The following TUBA8 variants were observed in gnomAD, a reference collection of about 807,000 sequenced individuals.
TUBA8 encodes the protein tubulin alpha 8, also known as tubulin alpha-8 chain.
In TUBA8, 29 loss-of-function variants were observed where a neutral mutation model predicts 34.7. That is an observed-to-expected ratio of 0.84 (90% CI 0.62 to 1.14). The LOEUF is 1.14. TUBA8 is among the 50% of genes most tolerant of loss of function. The pLI is 0.00. For synonymous variants in TUBA8, 226 were observed against 231.2 expected (o/e 0.98, Z 0.21); for missense variants, 541 against 599.2 (o/e 0.90, Z 1.01).
chr22:18,131,226 A>G lies in TUBA8; in HGVS notation c.*90A>G. 1 of 1,436,446 alleles carries G rather than the reference A, an allele frequency of 7.0e-7. No homozygotes were observed. Among genetic ancestry groups the G allele is most frequent in the Middle Eastern group, 2.4e-4 (1 of 4,120 alleles). The allele number at this position is 1,436,446 out of a possible 1,614,324, so 89.0% of individuals were successfully genotyped here. A position where few individuals can be genotyped will look rare whatever the true frequency, so the allele number is the denominator to read the frequency against. ...GAGAACAGAACACTCTCCCCGCCCC[A>G]GCCTGATTCCTGCCTTACCCAGGAG... is the stretch of plus-strand genomic sequence containing the variant. On this transcript the variant is annotated 3_prime_UTR_variant, in exon 5 of 5. Coordinates refer to ENST00000330423, the MANE Select transcript of TUBA8 (RefSeq NM_018943.3). The surrounding 1 kb of genome is among the most constrained non-coding windows in gnomAD (Gnocchi z 5.3).
chr22:18,130,077 T>G (rs1332023605), intron 4 of TUBA8: 2 of 152,218 alleles, frequency 1.3e-5, no homozygotes, highest in African/African-American at 2.4e-5. Flanking sequence ...TAGAGCCTGG[T>G]TAACGCCAAC....
intron 4 of TUBA8, chr22:18,130,511 C>G: frequency 2.5e-6 from 1 of 400,238 alleles, no homozygotes; most frequent in Non-Finnish European, 4.7e-6. Context: ...CAGCCTTGAC[C>G]TCATGGGCTC....
At position 18,131,620 on chromosome 22, in the gene TUBA8, A is replaced by C; in HGVS notation, c.*484A>C. On this transcript the variant is annotated 3_prime_UTR_variant, in exon 5 of 5. Transcript: ENST00000330423. The surrounding 1 kb of genome is among the most constrained non-coding windows in gnomAD (Gnocchi z 5.3). ...GCATGCATTCACTCCCCCATCACAT[A>C]TTCCAATACACACCCTGTCCTAGGC... is the stretch of plus-strand genomic sequence containing the variant. 8 of 209,402 alleles carry C rather than the reference A, an allele frequency of 3.8e-5. No homozygotes were observed. The highest frequency in any genetic ancestry group is 2.6e-4 in the South Asian group (3 of 11,682). 13.0% of individuals were successfully genotyped at this position (209,402 alleles called of 1,614,324 possible).
At chr22:18,127,389 G>GTTT (rs1467174410) in intron 4 of TUBA8, 5 of 173,932 alleles carry the variant, frequency 2.9e-5, no homozygotes, top group African/African-American at 2.5e-5. Context: ...CCTAACGTTA[G>GTTT]TTTTGTTTTT....
intron 1 of TUBA8, chr22:18,115,377 ACTT>A (rs1165878171): frequency 6.6e-6 from 1 of 152,230 alleles, no homozygotes; most frequent in Non-Finnish European, 1.5e-5. Flanking sequence ...TGACCCGTAC[ACTT>A]CTTAGGCCCT....
chr22:18,125,975 C>T, intron 3 of TUBA8: 1 of 295,732 alleles, frequency 3.4e-6, no homozygotes, highest in South Asian at 3.5e-5. Flanking sequence ...GATCCTCCCA[C>T]CTCAGCATCC....
chr22:18,123,584 T>C (rs374552164), intron 2 of TUBA8: 2 of 156,814 alleles, frequency 1.3e-5, no homozygotes, highest in South Asian at 1.9e-4. Context: ...TTGTGTTTTT[T>C]TTGGAGATGG....
At chr22:18,130,317 C>G (rs59649877) in intron 4 of TUBA8, 6,997 of 167,150 alleles carry the variant, frequency 0.042, 424 homozygotes, top group African/African-American at 0.14. Flanking sequence ...CCACCCGCTC[C>G]TAATGTCGCT....
rs1182308201 is a variant in TUBA8 at position 18,118,826 on chromosome 22, G to C, written c.4-2653G>C. ...AAAAGACTGGCATATGTATTAGTGT[G>C]AGATTAATGAGGGCATTAAAAGAGG... On this transcript the variant is annotated intron_variant, in intron 1 of 4. Transcript: ENST00000330423. The surrounding 1 kb of genome is among the most constrained non-coding windows in gnomAD (Gnocchi z 4.0). 6.6e-6 allele frequency: 1 copy of C among 152,214 alleles called. No homozygotes were observed. Among genetic ancestry groups the C allele is most frequent in the African/African-American group, 2.4e-5 (1 of 41,452 alleles). 9.4% of individuals were successfully genotyped at this position (152,214 alleles called of 1,614,324 possible).
chr22:18,127,652 C>T (rs1476493924), intron 4 of TUBA8: 1 of 145,582 alleles, frequency 6.9e-6, no homozygotes. Flanking sequence ...CTTGGCCTCC[C>T]AAAGTGCTGG....
Position 18,131,263 on chromosome 22 carries a change from GC to G in TUBA8, c.*131del. The G allele has an allele frequency of 2.8e-6, 3 of 1,064,208 alleles. No individual in the cohort carries two copies. The highest frequency in any genetic ancestry group is 2.8e-6 in the Non-Finnish European group (2 of 717,288). The allele number at this position is 1,064,208 out of a possible 1,614,324, so 65.9% of individuals were successfully genotyped here. On this transcript the variant is annotated 3_prime_UTR_variant, in exon 5 of 5. Transcript: ENST00000330423. The surrounding 1 kb of genome is among the most constrained non-coding windows in gnomAD (Gnocchi z 5.3). ...GCCTTACCCAGGAGGAGGGTGCCTGGCCCCAGTACCCAGGGTGGCACGACTG... is the reference window on the plus strand; with the variant it reads ...GCCTTACCCAGGAGGAGGGTGCCTGGCCCAGTACCCAGGGTGGCACGACTG...
At position 18,121,640 on chromosome 22, in the gene TUBA8, G is replaced by T. The variant is rs1050906282; in HGVS notation, c.165G>T (p.Glu55Asp). 1 of 1,614,216 alleles carries T rather than the reference G, an allele frequency of 6.2e-7. No homozygotes were observed. The highest frequency in any genetic ancestry group is 8.5e-7 in the Non-Finnish European group (1 of 1,180,040). Residue 55 changes from glutamate (E) to aspartate (D), a missense_variant, in exon 2 of 5, where the codon GAG (glutamate) becomes GAT (aspartate). Coordinates refer to ENST00000330423, the MANE Select transcript of TUBA8 (RefSeq NM_018943.3). This position sits in a 1 kb window ranked among gnomAD's most constrained non-coding sequence, Gnocchi z 4.8. Reference protein sequence around the residue: ...DDDSFTTFFSETGNGKHVPRA... With the variant: ...DDDSFTTFFSDTGNGKHVPRA... Reference sequence around the variant, plus strand: ...ACTCCTTCACCACCTTTTTCAGCGAGACTGGCAATGGGAAGCATGTGCCCC... The same window carrying T: ...ACTCCTTCACCACCTTTTTCAGCGATACTGGCAATGGGAAGCATGTGCCCC...
rs1490911795 is a variant in TUBA8, at chr22:18,121,709, G to T, written c.226+8G>T. 1 of 1,613,198 alleles carries T rather than the reference G, an allele frequency of 6.2e-7. No individual in the cohort carries two copies. Among genetic ancestry groups the T allele is most frequent in the African/African-American group, 1.3e-5 (1 of 74,872 alleles). Reference sequence around the variant, plus strand: ...TGGAGCCTACTGTAGTGGGTGAGTGGGGGCGGAGTTCCCCTCCACAGAGAA... The same window carrying T: ...TGGAGCCTACTGTAGTGGGTGAGTGTGGGCGGAGTTCCCCTCCACAGAGAA... On this transcript the variant is annotated splice_region_variant and intron_variant, in intron 2 of 4. Coordinates refer to ENST00000330423, the MANE Select transcript of TUBA8 (RefSeq NM_018943.3). This position sits in a 1 kb window ranked among gnomAD's most constrained non-coding sequence, Gnocchi z 4.8.
rs781296374 is a variant in TUBA8 at position 18,131,173 on chromosome 22, T to C, written c.*37T>C. 1 of 1,594,462 alleles carries C rather than the reference T, an allele frequency of 6.3e-7. No homozygotes were observed. Among genetic ancestry groups the C allele is most frequent in the Admixed American group, 1.7e-5 (1 of 60,000 alleles). On this transcript the variant is annotated 3_prime_UTR_variant, in exon 5 of 5. Coordinates refer to ENST00000330423, the MANE Select transcript of TUBA8 (RefSeq NM_018943.3). The surrounding 1 kb of genome is among the most constrained non-coding windows in gnomAD (Gnocchi z 5.3). ...CCCCTTGGCTGTGTCTCTTTATTTATGCTGTGCCATTCAAAGCACATGTTC... is the reference window on the plus strand; with the variant it reads ...CCCCTTGGCTGTGTCTCTTTATTTACGCTGTGCCATTCAAAGCACATGTTC...
chr22:18,126,411 A>G lies in TUBA8; in HGVS notation c.433A>G (p.Thr145Ala). 1 of 1,614,064 alleles carries G rather than the reference A, an allele frequency of 6.2e-7. No homozygotes were observed. The highest frequency in any genetic ancestry group is 8.5e-7 in the Non-Finnish European group (1 of 1,180,004). Residue 145 changes from threonine to alanine, a missense_variant, in exon 4 of 5, where the codon ACT (threonine) becomes GCT (alanine). Coordinates refer to ENST00000330423, the MANE Select transcript of TUBA8 (RefSeq NM_018943.3). The surrounding 1 kb of genome is among the most constrained non-coding windows in gnomAD (Gnocchi z 4.0). The stretch of plus-strand genomic sequence containing the variant: ...GATTTTCCACAGTTTTGGTGGGGGC[A>G]CTGGCTCCGGCTTCACTTCTCTGCT... ...FLIFHSFGGGTGSGFTSLLME... is the reference protein window; with the variant it reads ...FLIFHSFGGGAGSGFTSLLME...
Position 18,126,522 on chromosome 22 carries a change from G to A in TUBA8, c.544G>A (p.Val182Met), listed in dbSNP as rs1928327192. 3 of 1,614,020 alleles carry A rather than the reference G, an allele frequency of 1.9e-6. No homozygotes were observed. The highest frequency in any genetic ancestry group is 1.7e-6 in the Non-Finnish European group (2 of 1,180,022). ...YPAPQVSTAV[V>M]EPYNSILTTH... is the part of the protein sequence containing the mutation. ...AGCCCCCCAGGTCTCTACTGCAGTG[G>A]TGGAGCCCTACAACTCCATCCTGAC... Residue 182 changes from valine (V) to methionine (M), a missense_variant, in exon 4 of 5, where the codon GTG (valine) becomes ATG (methionine). By Grantham distance (21) the Val-to-Met change is conservative (BLOSUM62 1). Transcript: ENST00000330423. This position sits in a 1 kb window ranked among gnomAD's most constrained non-coding sequence, Gnocchi z 4.0.
Position 18,111,264 on chromosome 22 carries a change from C to T in TUBA8, c.3+396C>T. The T allele has an allele frequency of 1.7e-5, 5 of 294,636 alleles. No homozygotes were observed. Among genetic ancestry groups the T allele is most frequent in the East Asian group, 1.4e-4 (2 of 14,702 alleles). The allele number at this position is 294,636 out of a possible 1,614,324, so 18.3% of individuals were successfully genotyped here. A position where few individuals can be genotyped will look rare whatever the true frequency, so the allele number is the denominator to read the frequency against. ...GTCTGGGCCGGGGCGACTGGGGGGC[C>T]AGATGCAGTCACGTCTCCGAACCCA... On this transcript the variant is annotated intron_variant, in intron 1 of 4. Transcript: ENST00000330423. The surrounding 1 kb of genome is among the most constrained non-coding windows in gnomAD (Gnocchi z 5.1).
At position 18,124,446 on chromosome 22, in the gene TUBA8, A is replaced by G. The variant is rs1481054433; in HGVS notation, c.375+142A>G. The G allele has an allele frequency of 3.0e-6, 3 of 1,015,122 alleles. No homozygotes were observed. The highest frequency in any genetic ancestry group is 3.2e-5 in the African/African-American group (2 of 61,566). 62.9% of individuals were successfully genotyped at this position (1,015,122 alleles called of 1,614,324 possible). ...CTAAGGTTTGGGAATTTCTGCTTAA[A>G]TTCTGTAAGAAGCATGCACAGGGGT... On this transcript the variant is annotated intron_variant, in intron 3 of 4. Coordinates refer to ENST00000330423, the MANE Select transcript of TUBA8 (RefSeq NM_018943.3). This position sits in a 1 kb window ranked among gnomAD's most constrained non-coding sequence, Gnocchi z 4.3.
rs1928246878 is a variant in TUBA8, at chr22:18,124,208, C to G, written c.279C>G (p.Ile93Met). ...YRQLFHPEQL[I>M]TGKEDAANNY... ...AGCTCTTCCATCCAGAGCAGCTGATCACAGGAAAGGAGGATGCAGCCAACA... is the reference window on the plus strand; with the variant it reads ...AGCTCTTCCATCCAGAGCAGCTGATGACAGGAAAGGAGGATGCAGCCAACA... Residue 93 changes from isoleucine (I) to methionine (M), a missense_variant, in exon 3 of 5, where the codon ATC (isoleucine) becomes ATG (methionine). Coordinates refer to ENST00000330423, the MANE Select transcript of TUBA8 (RefSeq NM_018943.3). This position sits in a 1 kb window ranked among gnomAD's most constrained non-coding sequence, Gnocchi z 4.3. 5 of 1,614,200 alleles carry G rather than the reference C, an allele frequency of 3.1e-6. No individual in the cohort carries two copies. Among genetic ancestry groups the G allele is most frequent in the Non-Finnish European group, 4.2e-6 (5 of 1,180,034 alleles).
Sources: gnomAD v4.1 joint callset for allele counts on GRCh38, gnomAD v4.1.1 for gene constraint, Gnocchi (gnomAD v3.1) non-coding constraint, MANE v1.5 for transcripts, NCBI Gene and HGNC (gene_info 2026-07-23, HGNC 2026-07-21) for gene names.